The following ANKRD12 variants were observed in gnomAD, a reference collection of about 807,000 sequenced individuals.
ANKRD12 encodes ankyrin repeat domain 12.
A neutral mutation model predicts 183.4 loss-of-function variants in ANKRD12; 85 were observed. The observed-to-expected ratio is 0.46, with a 90% CI of 0.39 to 0.56. ANKRD12 has a LOEUF of 0.56. Ranked by LOEUF, ANKRD12 falls within the 20% of genes least tolerant of loss-of-function variation. ANKRD12 has a pLI of 0.00. For synonymous variants in ANKRD12, 914 were observed against 800.2 expected (o/e 1.14, Z -2.40); for missense variants, 2,405 against 2,357.1 (o/e 1.02, Z -0.42).
At chr18:9,177,113 C>G (rs550340576) in intron 1 of ANKRD12, among the ~76,000 whole-genome samples, 3 of 152,088 alleles carry the variant, frequency 2.0e-5, no homozygotes, top group African/African-American at 7.3e-5. Flanking sequence ...AGCTGGTTGG[C>G]TTAAACAGGA....
chr18:9,279,827 A>G (rs774865922), intron 12 of ANKRD12, among the ~76,000 whole-genome samples, 183 bp downstream of exon 12: 8 of 152,196 alleles, frequency 5.3e-5, no homozygotes, highest in Non-Finnish European at 8.8e-5. Context: ...TAGTTGTAGT[A>G]TGAAAGAGGA....
chr18:9,164,751 T>C (rs1037350940), intron 1 of ANKRD12, among the ~76,000 whole-genome samples: 8 of 152,214 alleles, frequency 5.3e-5, no homozygotes, highest in Non-Finnish European at 8.8e-5. Flanking sequence ...TGCTGTGTTC[T>C]AAGAGAGTTT....
intron 8 of ANKRD12, chr18:9,249,750 G>A (rs201211161): frequency 6.6e-6 from 1 of 152,114 alleles, no homozygotes; most frequent in East Asian, 1.9e-4. Flanking sequence ...ACTAACATAG[G>A]TATAAATTCC....
intron 1 of ANKRD12, among the ~76,000 whole-genome samples, chr18:9,148,227 C>A (rs2078557875): frequency 6.6e-6 from 1 of 152,088 alleles, no homozygotes; most frequent in South Asian, 2.1e-4. Flanking sequence ...AAATCTCAGA[C>A]CTTTAGAAGT....
chr18:9,205,861 A>T (rs1161274563), intron 4 of ANKRD12, among the ~76,000 whole-genome samples: 3 of 152,084 alleles, frequency 2.0e-5, no homozygotes, highest in Admixed American at 6.6e-5. Flanking sequence ...TTGTGGGAAG[A>T]TGTTGTATTC....
chr18:9,229,110 C>T (rs570105320), intron 8 of ANKRD12, among the ~76,000 whole-genome samples: 1 of 152,120 alleles, frequency 6.6e-6, no homozygotes, highest in African/African-American at 2.4e-5. Flanking sequence ...TATCAAAGAT[C>T]ATTTGGCTGT....
intron 10 of ANKRD12, among the ~76,000 whole-genome samples, chr18:9,271,851 A>T (rs906886137): frequency 1.3e-5 from 2 of 152,014 alleles, no homozygotes; most frequent in Non-Finnish European, 2.9e-5. Flanking sequence ...TAAAGACATA[A>T]TTTTTTCCAA....
rs141070214 is a variant in ANKRD12 at position 9,252,499 on chromosome 18, T to C, written c.944-1712T>C. Among the ~76,000 whole-genome samples the C allele has an allele frequency of 3.5e-4, 54 of 152,354 alleles. 1 individual carries two copies. The East Asian group carries it at 7.3e-3, about 21-fold the overall frequency. Reference sequence around the variant, plus strand: ...TGGACATTAGTGTCAGGATAACTTATTTATGTTAGAATTTACATTCTTTCC... The same window carrying C: ...TGGACATTAGTGTCAGGATAACTTACTTATGTTAGAATTTACATTCTTTCC... On this transcript the variant is annotated intron_variant, in intron 8 of 12. Transcript: ENST00000262126.
Position 9,205,883 on chromosome 18 carries a change from A to C in ANKRD12, c.304+1339A>C, listed in dbSNP as rs148288937. On this transcript the variant is annotated intron_variant, in intron 4 of 12. Coordinates refer to ENST00000262126, the MANE Select transcript of ANKRD12 (RefSeq NM_015208.5). ...AAGATGTTGTATTCTTTAATTTTTG[A>C]GACACTAATAGGTTTATGAACCAAG... 1.3e-3 allele frequency among the ~76,000 whole-genome samples: 193 copies of C among 152,152 alleles called. 1 individual carries two copies. The highest frequency in any genetic ancestry group is 4.4e-3 in the African/African-American group (181 of 41,548).
chr18:9,162,808 GTTT>G (rs142801737), intron 1 of ANKRD12, among the ~76,000 whole-genome samples: 1 of 151,280 alleles, frequency 6.6e-6, no homozygotes, highest in African/African-American at 2.4e-5. Context: ...GTGATATTGA[GTTT>G]TTTTTCATGT....
intron 8 of ANKRD12, among the ~76,000 whole-genome samples, chr18:9,227,318 GAATTA>G (rs2144816059): frequency 6.6e-6 from 1 of 152,164 alleles, no homozygotes; most frequent in African/African-American, 2.4e-5. Context: ...AATTATTTCT[GAATTA>G]AATTATACAA....
At chr18:9,144,877 TTGTA>T (rs201000357) in intron 1 of ANKRD12, among the ~76,000 whole-genome samples, 2,029 of 152,106 alleles carry the variant, frequency 0.013, 22 homozygotes, top group Middle Eastern at 0.02. Flanking sequence ...ATGTATGTAT[TTGTA>T]TGTATGTAAT....
Position 9,254,228 on chromosome 18 carries a change from T to A in ANKRD12, c.961T>A (p.Ser321Thr). ...TATTCTAGATTCCGAAGAGGCTCAATCTGTAAATCCTTCTAGTGTTGATGA... is the reference window on the plus strand; with the variant it reads ...TATTCTAGATTCCGAAGAGGCTCAAACTGTAAATCCTTCTAGTGTTGATGA... ...ESYTDSEEAQSVNPSSVDENI... is the reference protein window; with the variant it reads ...ESYTDSEEAQTVNPSSVDENI... The change falls in exon 9 of 13, where the codon TCT becomes ACT. Residue 321 changes from serine to threonine, a missense_variant. Ser to Thr is a moderately conservative substitution (Grantham distance 58). This residue lies in a region of ANKRD12 where 1,983 missense variants were observed against 1,725.9 expected (regional missense o/e 1.15). Coordinates refer to ENST00000262126, the MANE Select transcript of ANKRD12 (RefSeq NM_015208.5). 6.4e-7 allele frequency: 1 copy of A among 1,560,930 alleles called. No individual in the cohort carries two copies. The highest frequency in any genetic ancestry group is 8.6e-7 in the Non-Finnish European group (1 of 1,157,646).
chr18:9,228,699 T>G (rs1454032257), intron 8 of ANKRD12, among the ~76,000 whole-genome samples: 1 of 152,184 alleles, frequency 6.6e-6, no homozygotes, highest in Non-Finnish European at 1.5e-5. Context: ...GAATTTCTTG[T>G]ATATTCTGGA....
intron 10 of ANKRD12, among the ~76,000 whole-genome samples, chr18:9,267,996 CAAAT>C (rs1330865991): frequency 5.3e-5 from 8 of 152,342 alleles, no homozygotes; most frequent in African/African-American, 1.9e-4. Context: ...CACCTCTACA[CAAAT>C]AAACTGGAAT....
In ANKRD12 at chr18:9,285,540, T is replaced by A. The variant is rs191777889; in HGVS notation, c.*4414T>A. The A allele has an allele frequency of 2.0e-5, 3 of 152,142 alleles. No individual in the cohort carries two copies. Among genetic ancestry groups the A allele is most frequent in the Non-Finnish European group, 4.4e-5 (3 of 68,018 alleles). 9.4% of individuals were successfully genotyped at this position (152,142 alleles called of 1,614,324 possible). ...AGAGAATATCAATAACTTTCTCAGT[T>A]TTTTTTCATTGTTATAGTCTGTATT... On this transcript the variant is annotated 3_prime_UTR_variant, in exon 13 of 13. Transcript: ENST00000262126.
At chr18:9,206,614 A>G (rs1598556836) in intron 4 of ANKRD12, among the ~76,000 whole-genome samples, 1 of 152,072 alleles carries the variant, frequency 6.6e-6, no homozygotes, top group East Asian at 1.9e-4. Context: ...CAGACATATG[A>G]CTATGGTAAC....
At chr18:9,167,604 G>A (rs1291919151) in intron 1 of ANKRD12, among the ~76,000 whole-genome samples, 1 of 152,052 alleles carries the variant, frequency 6.6e-6, no homozygotes, top group African/African-American at 2.4e-5. Context: ...TTATCAGCTT[G>A]AGGAGATTTT....
At chr18:9,277,366 C>A (rs1232120200) in intron 11 of ANKRD12, among the ~76,000 whole-genome samples, 1 of 135,960 alleles carries the variant, frequency 7.4e-6, no homozygotes, top group African/African-American at 2.8e-5. Context: ...CTGGCTCTGT[C>A]GCCCAGGCTG....
Sources: gnomAD v4.1 joint callset for allele counts (sites outside exome capture counted in the v4.1 genomes callset) on GRCh38, gnomAD v4.1.1 for gene constraint, gnomAD v4.1.1 regional missense constraint, MANE v1.5 for transcripts, NCBI Gene and HGNC (gene_info 2026-07-23, HGNC 2026-07-21) for gene names.